NAV3: variants seen among roughly 807,000 people sequenced by gnomAD.
NAV3 encodes pore membrane and/or filament interacting like protein 1.
A neutral mutation model predicts 244.7 loss-of-function variants in NAV3; 87 were observed. That is an observed-to-expected ratio of 0.36 (90% CI 0.30 to 0.42). The LOEUF (loss-of-function observed/expected upper bound fraction) is 0.42, where lower values mean the gene tolerates loss of function less well. Ranked by LOEUF, NAV3 falls within the 20% of genes least tolerant of loss-of-function variation. NAV3 has a pLI of 1.00. For synonymous variants in NAV3, 1,126 were observed against 1,042.2 expected (o/e 1.08, Z -1.55); for missense variants, 2,663 against 2,893.3 (o/e 0.92, Z 1.83).
intron 22 of NAV3, among the ~76,000 whole-genome samples, chr12:78,149,981 T>A (rs1188116784): frequency 6.6e-6 from 1 of 152,170 alleles, no homozygotes; most frequent in Non-Finnish European, 1.5e-5. Flanking sequence ...AATTTTGGAT[T>A]TATTCTATTT....
intron 12 of NAV3, among the ~76,000 whole-genome samples, chr12:78,065,321 C>G (rs1884881484): frequency 6.6e-6 from 1 of 152,098 alleles, no homozygotes; most frequent in Non-Finnish European, 1.5e-5. Context: ...TAGAGCTGGC[C>G]TCCTGCCTGC....
At chr12:77,803,586 A>C (rs1474595046) in intron 2 of NAV3, among the ~76,000 whole-genome samples, 1 of 152,156 alleles carries the variant, frequency 6.6e-6, no homozygotes, top group East Asian at 1.9e-4. Flanking sequence ...TGTAATAAAC[A>C]TATGTGTGCC....
intron 2 of NAV3, among the ~76,000 whole-genome samples, chr12:77,790,425 G>A (rs558503891): frequency 2.0e-5 from 3 of 152,242 alleles, no homozygotes; most frequent in South Asian, 2.1e-4. Context: ...TGGGTATAAG[G>A]TATCATGGAG....
At chr12:77,920,621 A>T (rs1230711987) in intron 1 of NAV3, among the ~76,000 whole-genome samples, 3 of 152,020 alleles carry the variant, frequency 2.0e-5, no homozygotes, top group Admixed American at 1.3e-4. Flanking sequence ...TATCAGAAAA[A>T]CAGGTACAAG....
chr12:78,119,615 G>A lies in NAV3; in HGVS notation c.3419G>A (p.Arg1140His), dbSNP rs1464051201. The A allele has an allele frequency of 2.5e-6, 4 of 1,614,106 alleles. No homozygotes were observed. The highest frequency in any genetic ancestry group is 3.4e-6 in the Non-Finnish European group (4 of 1,180,008). The change falls in exon 15 of 40, where the codon CGC becomes CAC. Residue 1140 changes from arginine to histidine, a missense_variant. By Grantham distance (29) the Arg-to-His change is conservative. Transcript: ENST00000397909. ...KTTLQYRSLP[R>H]PSKSSTSGIP... Reference sequence around the variant, plus strand: ...ACCCTACAATATCGCAGCTTGCCCCGCCCTTCAAAATCCAGCACCAGTGGC... The same window carrying A: ...ACCCTACAATATCGCAGCTTGCCCCACCCTTCAAAATCCAGCACCAGTGGC...
intron 1 of NAV3, among the ~76,000 whole-genome samples, chr12:77,926,211 G>C (rs891450777): frequency 2.6e-5 from 4 of 151,938 alleles, no homozygotes; most frequent in African/African-American, 9.7e-5. Context: ...CAATCCCTTG[G>C]CCACTTCTTT....
chr12:77,743,001 G>A (rs1480061761), intron 2 of NAV3, among the ~76,000 whole-genome samples: 2 of 152,016 alleles, frequency 1.3e-5, no homozygotes, highest in East Asian at 1.9e-4. Context: ...CTCCCAAGAA[G>A]CAGAGAAAAG....
intron 2 of NAV3, among the ~76,000 whole-genome samples, chr12:77,695,550 T>C (rs1875257561): frequency 6.6e-6 from 1 of 152,170 alleles, no homozygotes; most frequent in Non-Finnish European, 1.5e-5. Context: ...TTGGTTACTG[T>C]AGCTCTTTAG....
At position 77,961,194 on chromosome 12, in the gene NAV3, A is replaced by AAT. The variant is rs1235448997; in HGVS notation, c.415-5028_415-5027dup. Among the ~76,000 whole-genome samples, 41 of 138,228 alleles carry AAT rather than the reference A, an allele frequency of 3.0e-4. No individual in the cohort carries two copies. In the South Asian group the frequency reaches 9.1e-3, roughly 31 times the overall value. The allele number at this position is 138,228 out of a possible 152,430, so 90.7% of individuals were successfully genotyped here. A position where few individuals can be genotyped will look rare whatever the true frequency, so the allele number is the denominator to read the frequency against. ...TGCATAAGACATATTTGCAATATAT[A>AAT]ATATATATTTTAATAACAGGTATTA... On this transcript the variant is annotated intron_variant, in intron 3 of 39. Coordinates refer to ENST00000397909, the MANE Select transcript of NAV3 (RefSeq NM_001024383.2).
intron 12 of NAV3, among the ~76,000 whole-genome samples, chr12:78,063,025 T>C (rs1884527110): frequency 6.6e-6 from 1 of 152,192 alleles, no homozygotes. Flanking sequence ...GTTTGTATTG[T>C]TATAGTGAAG....
chr12:77,807,561 G>A (rs868757004), intron 2 of NAV3, among the ~76,000 whole-genome samples: 3 of 152,190 alleles, frequency 2.0e-5, no homozygotes, highest in Non-Finnish European at 2.9e-5. Flanking sequence ...AGTCTGATGG[G>A]CTTCCCTTTG....
chr12:78,035,355 C>T (rs528387846), intron 9 of NAV3, among the ~76,000 whole-genome samples: 2 of 152,220 alleles, frequency 1.3e-5, no homozygotes, highest in South Asian at 4.1e-4. Flanking sequence ...AAGTTAAATA[C>T]TGAAAGGTCG....
chr12:77,730,522 T>G (rs1484419222), intron 2 of NAV3, among the ~76,000 whole-genome samples: 2 of 151,976 alleles, frequency 1.3e-5, no homozygotes, highest in Non-Finnish European at 2.9e-5. Context: ...AGTCTAGTAT[T>G]CTAATTTATA....
chr12:77,903,992 A>G lies in NAV3; in HGVS notation c.244-36327A>G, dbSNP rs1165148287. 3.9e-5 allele frequency among the ~76,000 whole-genome samples: 6 copies of G among 152,238 alleles called. No homozygotes were observed. In the East Asian group the frequency reaches 1.2e-3, roughly 30 times the overall value. ...ATGGCGATCATTAAAAAGTCAGGAA[A>G]CAACAGGTGCTGGAGAGGATGTGGA... is the stretch of plus-strand genomic sequence containing the variant. On this transcript the variant is annotated intron_variant, in intron 1 of 39. Coordinates refer to ENST00000397909, the MANE Select transcript of NAV3 (RefSeq NM_001024383.2).
At chr12:78,199,591 G>A in intron 37 of NAV3, 60 bp downstream of exon 37, 1 of 1,238,640 alleles carries the variant, frequency 8.1e-7, no homozygotes, top group Non-Finnish European at 1.1e-6. Flanking sequence ...GGTAAAGACG[G>A]CCAGATTGGA....
At chr12:77,695,742 G>A (rs1005305381) in intron 2 of NAV3, among the ~76,000 whole-genome samples, 1 of 152,038 alleles carries the variant, frequency 6.6e-6, no homozygotes, top group Non-Finnish European at 1.5e-5. Flanking sequence ...ATAAAGCTGT[G>A]TAAAGTTTTT....
intron 15 of NAV3, among the ~76,000 whole-genome samples, chr12:78,121,407 A>G (rs967962331): frequency 2.0e-5 from 3 of 152,140 alleles, no homozygotes; most frequent in African/African-American, 7.2e-5. Context: ...TATTGTTTCC[A>G]ACCAACTGCT....
chr12:77,590,197 T>C (rs1018617492), intron 2 of NAV3, among the ~76,000 whole-genome samples: 1 of 152,204 alleles, frequency 6.6e-6, no homozygotes, highest in Non-Finnish European at 1.5e-5. Context: ...CACTCAGCAC[T>C]TTTGGTCAGG....
intron 12 of NAV3, among the ~76,000 whole-genome samples, chr12:78,106,869 C>T (rs922749008): frequency 1.3e-5 from 2 of 152,194 alleles, no homozygotes; most frequent in South Asian, 2.1e-4. Context: ...CCTGACACTG[C>T]AGTCCTCAGC....
Sources: allele counts gnomAD v4.1 joint callset (sites outside exome capture counted in the v4.1 genomes callset), GRCh38; gene constraint gnomAD v4.1.1; transcripts MANE v1.5; gene names NCBI Gene and HGNC (gene_info 2026-07-23, HGNC 2026-07-21).